Variants in SMC1B observed in about 807,000 individuals in gnomAD.
SMC1B encodes the protein structural maintenance of chromosomes 1B, also known as structural maintenance of chromosomes protein 1B.
Under a neutral mutation model 157.9 loss-of-function variants are expected in SMC1B, and 60 were observed. The observed-to-expected ratio is 0.38, with a 90% CI of 0.31 to 0.47. SMC1B has a LOEUF of 0.47. Among genes scored for constraint, SMC1B ranks in the 20% least tolerant of loss-of-function variants. The pLI is 0.99. For synonymous variants in SMC1B, 445 were observed against 483.0 expected, an observed-to-expected ratio of 0.92 and a Z score of 1.03; for missense variants, 1,165 against 1,426.2, an observed-to-expected ratio of 0.82 and a Z score of 2.95.
In SMC1B at chr22:45,386,840, A is replaced by T. The variant is rs142988346; in HGVS notation, c.1911+27T>A. 8.8e-4 allele frequency: 1,398 copies of T among 1,597,168 alleles called. 16 individuals are homozygous for T. The African/African-American group carries it at 0.017, about 19-fold the overall frequency. ...ATAAATACTACTTCAACTTATCCAA[A>T]GGTGTGATCCAAGCCTCTTTTCTTA... On this transcript the variant is annotated intron_variant, in intron 11 of 24. Transcript: ENST00000357450.
chr22:45,384,662 G>C (rs9626319), intron 11 of SMC1B, among the ~76,000 whole-genome samples: 1,631 of 151,388 alleles, frequency 0.011, 29 homozygotes, highest in African/African-American at 0.038. Flanking sequence ...AGAGGTTGCA[G>C]TAAGCAGAGA....
chr22:45,384,934 A>T (rs1050351454), intron 11 of SMC1B, among the ~76,000 whole-genome samples: 8 of 152,164 alleles, frequency 5.3e-5, no homozygotes, highest in Admixed American at 4.6e-4. Context: ...GGAAAAAATA[A>T]TCTTTTCACA....
chr22:45,357,541 T>C (rs2086681488), intron 19 of SMC1B, among the ~76,000 whole-genome samples: 1 of 152,168 alleles, frequency 6.6e-6, no homozygotes, highest in African/African-American at 2.4e-5. Context: ...TTGAAGGACT[T>C]CTCAAAAACT....
chr22:45,347,322 G>T (rs534160109), intron 23 of SMC1B, among the ~76,000 whole-genome samples: 2 of 152,290 alleles, frequency 1.3e-5, no homozygotes, highest in Admixed American at 6.5e-5. Flanking sequence ...TGATACTCTT[G>T]TGTATCCCTG....
chr22:45,408,348 A>G (rs1261403961), intron 2 of SMC1B, among the ~76,000 whole-genome samples: 1 of 152,036 alleles, frequency 6.6e-6, no homozygotes, highest in Non-Finnish European at 1.5e-5. Context: ...GATGGTCTCA[A>G]TCACCTGACC....
intron 2 of SMC1B, among the ~76,000 whole-genome samples, chr22:45,407,932 G>A (rs1055471505): frequency 3.9e-5 from 6 of 151,910 alleles, no homozygotes; most frequent in African/African-American, 7.3e-5. Context: ...CTCTTTTCCC[G>A]TAAATGTATA....
intron 2 of SMC1B, among the ~76,000 whole-genome samples, chr22:45,407,676 C>T (rs536820767): frequency 3.9e-5 from 6 of 152,202 alleles, no homozygotes; most frequent in South Asian, 2.1e-4. Flanking sequence ...CTCAAACTCC[C>T]GAGTTCAAGC....
intron 2 of SMC1B, among the ~76,000 whole-genome samples, chr22:45,407,593 T>C (rs1395932515): frequency 6.6e-6 from 1 of 152,040 alleles, no homozygotes; most frequent in Non-Finnish European, 1.5e-5. Flanking sequence ...TCCTAAGTAC[T>C]GGGACTATAG....
intron 11 of SMC1B, among the ~76,000 whole-genome samples, chr22:45,385,512 C>T (rs1369890781): frequency 6.6e-6 from 1 of 151,824 alleles, no homozygotes. Flanking sequence ...AATTAAGATA[C>T]AAATAAGATA....
chr22:45,385,787 A>C (rs961623893), intron 11 of SMC1B, among the ~76,000 whole-genome samples: 1 of 152,126 alleles, frequency 6.6e-6, no homozygotes, highest in African/African-American at 2.4e-5. Flanking sequence ...CCCTAGCTTA[A>C]ATTTAACATG....
chr22:45,354,209 T>G, intron 20 of SMC1B, 77 bp from the exon 21 acceptor site: 1 of 1,190,652 alleles, frequency 8.4e-7, no homozygotes, highest in South Asian at 2.3e-5. Context: ...GCATAAAATA[T>G]TTTTAAAATT....
rs371142486 is a variant in SMC1B, at chr22:45,406,872, T to C, written c.299-7A>G. Reference sequence around the variant, plus strand: ...CGAAATTCTGAGCATCCCCCTAAAATAAAAAAATAAACCCTGTTAAAAAAT... The same window carrying C: ...CGAAATTCTGAGCATCCCCCTAAAACAAAAAAATAAACCCTGTTAAAAAAT... On this transcript the variant is annotated splice_region_variant and splice_polypyrimidine_tract_variant and intron_variant, in intron 2 of 24. Coordinates refer to ENST00000357450, the MANE Select transcript of SMC1B (RefSeq NM_148674.5). 78 of 1,540,034 alleles carry C rather than the reference T, an allele frequency of 5.1e-5. No individual in the cohort carries two copies. The African/African-American group carries it at 1.0e-3, about 20-fold the overall frequency.
rs148863291 is a variant in SMC1B, at chr22:45,360,008, G to A, written c.2709-50C>T. The A allele has an allele frequency of 4.1e-4, 580 of 1,424,334 alleles. 5 individuals carry two copies. The African/African-American group carries it at 7.4e-3, about 18-fold the overall frequency. The allele number at this position is 1,424,334 out of a possible 1,614,324, so 88.2% of individuals were successfully genotyped here. A position where few individuals can be genotyped will look rare whatever the true frequency, so the allele number is the denominator to read the frequency against. On this transcript the variant is annotated intron_variant, in intron 17 of 24. Transcript: ENST00000357450. ...GTAATTTTACTCATTATGTAACACTGCACCAAGGAAGAAAAATGTATGCTA... is the reference window on the plus strand; with the variant it reads ...GTAATTTTACTCATTATGTAACACTACACCAAGGAAGAAAAATGTATGCTA...
At chr22:45,407,517 A>T (rs2087276248) in intron 2 of SMC1B, among the ~76,000 whole-genome samples, 1 of 151,350 alleles carries the variant, frequency 6.6e-6, no homozygotes, top group African/African-American at 2.4e-5. Context: ...GTTGGAGTGC[A>T]GTGGCGCAAT....
rs2086770572 is a variant in SMC1B at position 45,365,830 on chromosome 22, TAAG to T, written c.2421-2807_2421-2805del. ...AACCCTATAATTATCTAGAAATTAA[TAAG>T]AAAACATAGATCTCTATGGGAAAAA... On this transcript the variant is annotated intron_variant, in intron 15 of 24. Coordinates refer to ENST00000357450, the MANE Select transcript of SMC1B (RefSeq NM_148674.5). Among the ~76,000 whole-genome samples the T allele has an allele frequency of 2.6e-5, 4 of 152,136 alleles. No individual in the cohort carries two copies. The South Asian group carries it at 8.3e-4, about 32-fold the overall frequency.
In SMC1B at chr22:45,372,156, T is replaced by C; in HGVS notation, c.2195A>G (p.Gln732Arg). The C allele has an allele frequency of 6.2e-7, 1 of 1,601,230 alleles. No homozygotes were observed. Among genetic ancestry groups the C allele is most frequent in the Non-Finnish European group, 8.5e-7 (1 of 1,176,004 alleles). ...ATATTTTATGTAAGTCTATATTACCTGGTAAAAAGCAACAAGGTGCTTCTT... is the reference window on the plus strand; with the variant it reads ...ATATTTTATGTAAGTCTATATTACCCGGTAAAAAGCAACAAGGTGCTTCTT... ...IKKKHLVAFY[Q>R]EQSQLQSELL... Residue 732 changes from glutamine to arginine, a missense_variant and splice_region_variant, in exon 13 of 25, where the codon CAG (glutamine) becomes CGG (arginine). By Grantham distance (43) the Gln-to-Arg change is conservative. Transcript: ENST00000357450.
intron 16 of SMC1B, 93 bp from the exon 17 acceptor site, chr22:45,362,077 C>T (rs1442174529): frequency 1.2e-5 from 15 of 1,266,068 alleles, no homozygotes; most frequent in Admixed American, 4.6e-5. Flanking sequence ...CCAGTTATCC[C>T]GAGATGAACC....
Position 45,394,912 on chromosome 22 carries a change from A to C in SMC1B, c.1255-145T>G, listed in dbSNP as rs1017701270. 7.1e-6 allele frequency: 7 copies of C among 992,176 alleles called. No individual in the cohort carries two copies. The Admixed American group carries it at 1.2e-4, about 17-fold the overall frequency. The allele number at this position is 992,176 out of a possible 1,614,324, so 61.5% of individuals were successfully genotyped here. A position where few individuals can be genotyped will look rare whatever the true frequency, so the allele number is the denominator to read the frequency against. On this transcript the variant is annotated intron_variant, in intron 7 of 24. Coordinates refer to ENST00000357450, the MANE Select transcript of SMC1B (RefSeq NM_148674.5). ...TATATGAAAACACTTATCAGAGCAA[A>C]TTACAGATCAGGGTTCAACTCCTGA...
At chr22:45,401,663 C>T (rs184806176) in intron 5 of SMC1B, among the ~76,000 whole-genome samples, 59 of 152,320 alleles carry the variant, frequency 3.9e-4, no homozygotes, top group Admixed American at 1.1e-3. Flanking sequence ...AATCAGACAC[C>T]GCCTCCTCAA....
Sources: allele counts gnomAD v4.1 joint callset (sites outside exome capture counted in the v4.1 genomes callset), GRCh38; gene constraint gnomAD v4.1.1; transcripts MANE v1.5; gene names NCBI Gene and HGNC (gene_info 2026-07-23, HGNC 2026-07-21).